The following AFF4 variants were observed in gnomAD, a reference collection of about 807,000 sequenced individuals.
The protein encoded by AFF4 is AF4/FMR2 family member 4.
In AFF4, 13 loss-of-function variants were observed where a neutral mutation model predicts 124.8. That is an observed-to-expected ratio of 0.10 (90% CI 0.07 to 0.17). The LOEUF (loss-of-function observed/expected upper bound fraction) is 0.17, where lower values mean the gene tolerates loss of function less well. AFF4 is among the 10% of genes least tolerant of loss of function. AFF4 has a pLI of 1.00. For synonymous variants in AFF4, 477 were observed against 496.1 expected, an observed-to-expected ratio of 0.96 and a Z score of 0.51; for missense variants, 1,092 against 1,403.8, an observed-to-expected ratio of 0.78 and a Z score of 3.55.
chr5:132,936,432 CTA>C (rs1473625195), intron 2 of AFF4, among the ~76,000 whole-genome samples: 1 of 152,042 alleles, frequency 6.6e-6, no homozygotes, highest in African/African-American at 2.4e-5. Flanking sequence ...AAATGACTGT[CTA>C]TAACAACAGA....
chr5:132,904,191 AGGCTGCAGTGAGCTACGACC>A (rs1760617683), intron 6 of AFF4, 157 bp downstream of exon 6: 13 of 456,356 alleles, frequency 2.8e-5, no homozygotes. Flanking sequence ...CTGGAGATCG[AGGCTGCAGTGAGCTACGACC>A]ACACCACTAC....
intron 5 of AFF4, among the ~76,000 whole-genome samples, chr5:132,925,735 C>A (rs1434544398): frequency 1.3e-5 from 2 of 152,196 alleles, no homozygotes; most frequent in Non-Finnish European, 2.9e-5. Flanking sequence ...CAAAACACTG[C>A]TGTTTAATAA....
At chr5:132,952,853 G>A (rs1254522689) in intron 1 of AFF4, among the ~76,000 whole-genome samples, 3 of 151,960 alleles carry the variant, frequency 2.0e-5, no homozygotes, top group Non-Finnish European at 4.4e-5. Flanking sequence ...AGCCAAGATC[G>A]TACCACTGCA....
At chr5:132,908,346 A>T (rs547885373) in intron 5 of AFF4, among the ~76,000 whole-genome samples, 2 of 152,268 alleles carry the variant, frequency 1.3e-5, no homozygotes, top group African/African-American at 4.8e-5. Flanking sequence ...TATGACGCTA[A>T]GATGGACTTA....
chr5:132,905,439 T>C (rs573021182), intron 5 of AFF4, among the ~76,000 whole-genome samples: 48 of 152,356 alleles, frequency 3.2e-4, no homozygotes, highest in African/African-American at 9.9e-4. Flanking sequence ...AGTTACAGAA[T>C]TGTCTGTGAA....
At chr5:132,941,962 G>A (rs1001299392) in intron 1 of AFF4, among the ~76,000 whole-genome samples, 4 of 149,276 alleles carry the variant, frequency 2.7e-5, no homozygotes, top group African/African-American at 5.0e-5. Context: ...AGACGAGATC[G>A]CACCAGTGCA....
intron 5 of AFF4, among the ~76,000 whole-genome samples, chr5:132,908,331 A>G (rs1250384904): frequency 1.3e-5 from 2 of 152,160 alleles, no homozygotes; most frequent in African/African-American, 4.8e-5. Context: ...ATAATGCTTC[A>G]AAGGTATGAC....
intron 1 of AFF4, among the ~76,000 whole-genome samples, chr5:132,946,687 A>C (rs999088946): frequency 5.3e-5 from 8 of 152,198 alleles, no homozygotes; most frequent in African/African-American, 1.9e-4. Context: ...GGGATGATGA[A>C]AAAGTTCTGG....
intron 20 of AFF4, among the ~76,000 whole-genome samples, chr5:132,882,455 G>C (rs570202372): frequency 2.1e-4 from 32 of 152,296 alleles, no homozygotes; most frequent in Non-Finnish European, 4.6e-4. Flanking sequence ...TGGTTATACA[G>C]TACTTTCCAC....
At position 132,933,732 on chromosome 5, in the gene AFF4, T is replaced by TC. The variant is rs370775616; in HGVS notation, c.918+414dup. On this transcript the variant is annotated intron_variant, in intron 3 of 20. Transcript: ENST00000265343. ...ATTACTATTTCCACAGACCCAAAAGTCCCATTTATCATAACCATAAACCAT... is the reference window on the plus strand; with the variant it reads ...ATTACTATTTCCACAGACCCAAAAGTCCCCATTTATCATAACCATAAACCAT... Among the ~76,000 whole-genome samples, 310 of 152,162 alleles carry TC rather than the reference T, an allele frequency of 2.0e-3. 1 individual carries two copies. The highest frequency in any genetic ancestry group is 6.9e-3 in the African/African-American group (285 of 41,544).
intron 1 of AFF4, among the ~76,000 whole-genome samples, chr5:132,955,791 AAAAAAT>A (rs1761941293): frequency 7.1e-6 from 1 of 139,966 alleles, no homozygotes; most frequent in Non-Finnish European, 1.5e-5. Flanking sequence ...AAAAAAAAAA[AAAAAAT>A]ATATATATAT....
chr5:132,932,261 T>C (rs775902512), intron 3 of AFF4, 39 bp from the exon 4 acceptor site: 18 of 1,556,474 alleles, frequency 1.2e-5, no homozygotes, highest in Non-Finnish European at 1.5e-5. Context: ...TTTTTATCAG[T>C]AGATTTTTAG....
In AFF4 at chr5:132,896,590, T is replaced by G; in HGVS notation, c.2040A>C (p.Ser680=). Residue 680 remains serine, a synonymous_variant, in exon 11 of 21, where the codon TCA becomes TCC. Coordinates refer to ENST00000265343, the MANE Select transcript of AFF4 (RefSeq NM_014423.4). The stretch of plus-strand genomic sequence containing the variant: ...GAAAAAAGCTATCTTCTTCCTCCAC[T>G]GAGGAGGGTTTAACAGGAGTCCTAT... The part of the protein sequence containing the change: ...ESNRTPVKPS[S]VEEEDSFFRQ... The G allele has an allele frequency of 6.2e-7, 1 of 1,613,986 alleles. No individual in the cohort carries two copies. Among genetic ancestry groups the G allele is most frequent in the Non-Finnish European group, 8.5e-7 (1 of 1,179,988 alleles).
chr5:132,916,200 C>T (rs1182844330), intron 5 of AFF4, among the ~76,000 whole-genome samples: 2 of 130,068 alleles, frequency 1.5e-5, no homozygotes, highest in Admixed American at 9.3e-5. Flanking sequence ...TATCATGCCA[C>T]TGCACTCTAG....
At chr5:132,922,155 C>T (rs1435635675) in intron 5 of AFF4, among the ~76,000 whole-genome samples, 3 of 152,150 alleles carry the variant, frequency 2.0e-5, no homozygotes, top group African/African-American at 7.2e-5. Context: ...TAGTGGCTCA[C>T]GCCTGTAATC....
chr5:132,959,757 CTTTTTTTTTTTTTT>C (rs1163731664), intron 1 of AFF4, among the ~76,000 whole-genome samples: 2 of 71,514 alleles, frequency 2.8e-5, no homozygotes, highest in Non-Finnish European at 2.5e-5. Flanking sequence ...GAGTGCTTTT[CTTTTTTTTTTTTTT>C]TTTTTTTTTT....
Position 132,888,234 on chromosome 5 carries a change from T to C in AFF4, c.2733-74A>G, listed in dbSNP as rs1207430490. 39 of 1,161,624 alleles carry C rather than the reference T, an allele frequency of 3.4e-5. No individual in the cohort carries two copies. In the Admixed American group the frequency reaches 8.5e-4, roughly 25 times the overall value. The allele number at this position is 1,161,624 out of a possible 1,614,324, so 72.0% of individuals were successfully genotyped here. A position where few individuals can be genotyped will look rare whatever the true frequency, so the allele number is the denominator to read the frequency against. ...TACTAGTTCATTTCAGTATCTAGTA[T>C]CCCTCAGTTTTTATGTCCTCAAGCA... On this transcript the variant is annotated intron_variant, in intron 14 of 20. Coordinates refer to ENST00000265343, the MANE Select transcript of AFF4 (RefSeq NM_014423.4).
chr5:132,962,700 C>G (rs1026009017), intron 1 of AFF4, among the ~76,000 whole-genome samples: 1 of 151,898 alleles, frequency 6.6e-6, no homozygotes, highest in Non-Finnish European at 1.5e-5. Flanking sequence ...AACTAGGTAA[C>G]AGACCGATTC....
chr5:132,894,422 G>C (rs1006178393), intron 11 of AFF4, among the ~76,000 whole-genome samples: 6 of 152,176 alleles, frequency 3.9e-5, no homozygotes, highest in Non-Finnish European at 7.3e-5. Context: ...CCCATCCATT[G>C]CCAATGTTAC....
Sources: allele counts gnomAD v4.1 joint callset (sites outside exome capture counted in the v4.1 genomes callset), GRCh38; gene constraint gnomAD v4.1.1; transcripts MANE v1.5; gene names NCBI Gene and HGNC (gene_info 2026-07-23, HGNC 2026-07-21).